The following RGS7 variants were observed in gnomAD, a reference collection of about 807,000 sequenced individuals.
The protein encoded by RGS7 is regulator of G-protein signaling 7.
Under a neutral mutation model 81.1 loss-of-function variants are expected in RGS7, and 27 were observed. The observed-to-expected ratio is 0.33, with a 90% CI of 0.25 to 0.46. The LOEUF is 0.46. Among genes scored for constraint, RGS7 ranks in the 20% least tolerant of loss-of-function variants. RGS7 has a pLI of 1.00. For synonymous variants in RGS7, 208 were observed against 207.7 expected, an observed-to-expected ratio of 1.00 and a Z score of -0.01; for missense variants, 396 against 607.4, an observed-to-expected ratio of 0.65 and a Z score of 3.66.
In RGS7 at chr1:241,327,122, GAAAGAAA is replaced by G. The variant is rs1340111438; in HGVS notation, c.78+28570_78+28576del. On this transcript the variant is annotated intron_variant, in intron 2 of 18. Transcript: ENST00000440928. ...AGAAAGAAAGAAAGAAAGAAAGAAA[GAAAGAAA>G]GAAAGAAAGAAAGAAAGGAAAGAAA... Among the ~76,000 whole-genome samples, 81 of 110,250 alleles carry G rather than the reference GAAAGAAA, an allele frequency of 7.3e-4. 6 individuals are homozygous for G. The South Asian group carries it at 0.023, about 32-fold the overall frequency. 72.3% of individuals were successfully genotyped at this position (110,250 alleles called of 152,430 possible). A position where few individuals can be genotyped will look rare whatever the true frequency, so the allele number is the denominator to read the frequency against.
chr1:241,087,986 A>ATG (rs2063563674), intron 3 of RGS7, among the ~76,000 whole-genome samples: 1 of 90,844 alleles, frequency 1.1e-5, no homozygotes, highest in Non-Finnish European at 2.2e-5. Context: ...CTATATATAT[A>ATG]TATATATATA....
intron 2 of RGS7, among the ~76,000 whole-genome samples, chr1:241,262,869 G>A (rs2077405492): frequency 6.6e-6 from 1 of 152,152 alleles, no homozygotes; most frequent in African/African-American, 2.4e-5. Context: ...GGGAGGCCGA[G>A]GCGGGTGGAT....
intron 2 of RGS7, among the ~76,000 whole-genome samples, chr1:241,131,492 G>C (rs542328827): frequency 1.8e-4 from 27 of 152,240 alleles, no homozygotes; most frequent in African/African-American, 6.3e-4. Context: ...GGCTGATGTT[G>C]CTGGTTGGGA....
rs116168484 is a variant in RGS7 at position 241,223,480 on chromosome 1, T to C, written c.79-124718A>G. The stretch of plus-strand genomic sequence containing the variant: ...CAGTTTAAAGAAGAAGATAGTAAAA[T>C]TGTGTTCAGAGAGGAGCAAGTAGGT... On this transcript the variant is annotated intron_variant, in intron 2 of 18. Coordinates refer to ENST00000440928, the MANE Select transcript of RGS7 (RefSeq NM_001364886.1). Among the ~76,000 whole-genome samples the C allele has an allele frequency of 3.4e-3, 521 of 152,098 alleles. 2 individuals are homozygous for C. The highest frequency in any genetic ancestry group is 0.012 in the African/African-American group (494 of 41,488).
At chr1:241,222,504 T>C (rs1245421887) in intron 2 of RGS7, among the ~76,000 whole-genome samples, 1 of 152,160 alleles carries the variant, frequency 6.6e-6, no homozygotes, top group Non-Finnish European at 1.5e-5. Flanking sequence ...AGGGTTCTGT[T>C]GGTGAAAGGC....
At chr1:241,240,793 T>C (rs2076224121) in intron 2 of RGS7, among the ~76,000 whole-genome samples, 1 of 152,174 alleles carries the variant, frequency 6.6e-6, no homozygotes, top group South Asian at 2.1e-4. Context: ...ATTAAAAATA[T>C]AGGTAAACGG....
At chr1:241,107,230 A>G (rs548812980) in intron 2 of RGS7, among the ~76,000 whole-genome samples, 1 of 152,342 alleles carries the variant, frequency 6.6e-6, no homozygotes, top group East Asian at 1.9e-4. Context: ...TGCACAGAAC[A>G]GCAAAAATGG....
chr1:241,239,430 T>G (rs947638195), intron 2 of RGS7, among the ~76,000 whole-genome samples: 1 of 152,116 alleles, frequency 6.6e-6, no homozygotes, highest in Non-Finnish European at 1.5e-5. Flanking sequence ...TCTTTGTAAA[T>G]CACAAATCTC....
intron 10 of RGS7, among the ~76,000 whole-genome samples, chr1:240,825,775 T>C (rs1265122749): frequency 6.6e-6 from 1 of 152,172 alleles, no homozygotes; most frequent in Non-Finnish European, 1.5e-5. Flanking sequence ...GGGTGCCATG[T>C]GAAACACGAG....
At chr1:240,846,755 A>T (rs909276994) in intron 9 of RGS7, among the ~76,000 whole-genome samples, 1 of 152,190 alleles carries the variant, frequency 6.6e-6, no homozygotes, top group African/African-American at 2.4e-5. Context: ...AGATTAGGAT[A>T]TACAAACATG....
intron 2 of RGS7, among the ~76,000 whole-genome samples, chr1:241,122,768 A>C (rs1275605789): frequency 6.6e-6 from 1 of 152,174 alleles, no homozygotes; most frequent in Non-Finnish European, 1.5e-5. Flanking sequence ...ACAGTTTGAC[A>C]AAAGAATCTA....
chr1:241,324,742 G>A (rs1332666165), intron 2 of RGS7, among the ~76,000 whole-genome samples: 1 of 151,930 alleles, frequency 6.6e-6, no homozygotes, highest in African/African-American at 2.4e-5. Flanking sequence ...CATTTTCTCT[G>A]GCTTTTTTCC....
chr1:240,988,690 G>A (rs1686019804), intron 3 of RGS7, among the ~76,000 whole-genome samples: 1 of 152,158 alleles, frequency 6.6e-6, no homozygotes, highest in Admixed American at 6.5e-5. Flanking sequence ...AAAGGAGCAG[G>A]AGAGATGAAC....
chr1:241,034,473 G>T (rs1230635970), intron 3 of RGS7, among the ~76,000 whole-genome samples: 1 of 152,148 alleles, frequency 6.6e-6, no homozygotes, highest in Non-Finnish European at 1.5e-5. Context: ...AGAAATGTGC[G>T]ATGGAACACG....
chr1:241,104,604 T>C (rs1329984297), intron 2 of RGS7, among the ~76,000 whole-genome samples: 1 of 152,248 alleles, frequency 6.6e-6, no homozygotes, highest in African/African-American at 2.4e-5. Context: ...TTAAATTAAA[T>C]TGAGTGCTGT....
intron 2 of RGS7, among the ~76,000 whole-genome samples, chr1:241,221,600 C>T (rs12046988): frequency 0.25 from 38,474 of 152,192 alleles, 5,965 homozygotes; most frequent in East Asian, 0.6. Flanking sequence ...TTATTCTGGA[C>T]GTTTCTGTGA....
intron 14 of RGS7, among the ~76,000 whole-genome samples, chr1:240,810,132 A>G (rs1689586843): frequency 6.6e-6 from 1 of 152,080 alleles, no homozygotes; most frequent in South Asian, 2.1e-4. Flanking sequence ...GATTTCCCCT[A>G]GTATCCCTTC....
intron 2 of RGS7, among the ~76,000 whole-genome samples, chr1:241,342,947 C>T (rs1035606636): frequency 7.9e-5 from 12 of 152,108 alleles, no homozygotes; most frequent in African/African-American, 2.7e-4. Flanking sequence ...CTAGAGAACA[C>T]GGTATGGCAG....
At chr1:241,109,850 C>G (rs1289293016) in intron 2 of RGS7, among the ~76,000 whole-genome samples, 2 of 151,684 alleles carry the variant, frequency 1.3e-5, no homozygotes, top group African/African-American at 4.8e-5. Flanking sequence ...CCCAGCTACT[C>G]AGGAGGCTGA....
Sources: gnomAD v4.1 joint callset for allele counts (sites outside exome capture counted in the v4.1 genomes callset) on GRCh38, gnomAD v4.1.1 for gene constraint, MANE v1.5 for transcripts, NCBI Gene and HGNC (gene_info 2026-07-23, HGNC 2026-07-21) for gene names.